The following NLGN1 variants were observed in gnomAD, a reference collection of about 807,000 sequenced individuals.
NLGN1 encodes the protein neuroligin 1, also known as neuroligin-1.
Under a neutral mutation model 65.5 loss-of-function variants are expected in NLGN1, and 12 were observed. That is an observed-to-expected ratio of 0.18 (90% CI 0.12 to 0.30). The LOEUF is 0.30. Ranked by LOEUF, NLGN1 falls within the 10% of genes least tolerant of loss-of-function variation. The pLI is 1.00. For missense variants in NLGN1, 750 were observed against 1,007.1 expected (o/e 0.74, Z 3.46); for synonymous variants, 350 against 359.5 (o/e 0.97, Z 0.30).
chr3:174,173,867 T>A (rs951863027), intron 4 of NLGN1, among the ~76,000 whole-genome samples: 1 of 152,084 alleles, frequency 6.6e-6, no homozygotes, highest in African/African-American at 2.4e-5. Flanking sequence ...ACAGGTGGTG[T>A]TTGGTTACAT....
intron 4 of NLGN1, among the ~76,000 whole-genome samples, chr3:173,858,071 A>T (rs1156803795): frequency 1.3e-5 from 2 of 151,672 alleles, no homozygotes; most frequent in East Asian, 3.9e-4. Context: ...GTATTGTCCT[A>T]TACAAAACCA....
intron 4 of NLGN1, among the ~76,000 whole-genome samples, chr3:174,226,304 AC>A (rs1368177581): frequency 6.6e-6 from 1 of 151,920 alleles, no homozygotes; most frequent in African/African-American, 2.4e-5. Context: ...CCCCTTACCC[AC>A]CACCCCTGGT....
intron 4 of NLGN1, among the ~76,000 whole-genome samples, chr3:173,999,295 G>C (rs955805659): frequency 9.2e-5 from 14 of 151,954 alleles, no homozygotes; most frequent in African/African-American, 3.4e-4. Flanking sequence ...GCCCCAAAAT[G>C]ATTTCAAGGA....
intron 4 of NLGN1, among the ~76,000 whole-genome samples, chr3:173,905,296 A>G (rs953354766): frequency 2.0e-5 from 3 of 152,188 alleles, no homozygotes; most frequent in Non-Finnish European, 2.9e-5. Context: ...TAAATTTGCA[A>G]CTTCAGCTGA....
intron 4 of NLGN1, among the ~76,000 whole-genome samples, chr3:174,079,199 A>C (rs562667269): frequency 4.0e-4 from 61 of 152,278 alleles, no homozygotes; most frequent in African/African-American, 1.5e-3. Context: ...CAAGAAAAAA[A>C]AAACTTTCCC....
At chr3:173,399,761 T>C (rs1717306189) in intron 1 of NLGN1, 1 of 152,192 alleles carries the variant, frequency 6.6e-6, no homozygotes, top group Non-Finnish European at 1.5e-5. Context: ...CTGTTTCTGG[T>C]TTTCTTTATA....
intron 4 of NLGN1, among the ~76,000 whole-genome samples, chr3:174,018,075 C>G (rs1196299257): frequency 6.6e-6 from 1 of 152,102 alleles, no homozygotes; most frequent in Non-Finnish European, 1.5e-5. Context: ...GGAACGCATT[C>G]TCTTTCTCAG....
At chr3:173,661,656 G>T (rs1760945900) in intron 3 of NLGN1, among the ~76,000 whole-genome samples, 1 of 151,962 alleles carries the variant, frequency 6.6e-6, no homozygotes, top group South Asian at 2.1e-4. Flanking sequence ...TTTATGTTGT[G>T]ATTAGAGAAA....
chr3:174,145,669 A>G (rs936533559), intron 4 of NLGN1, among the ~76,000 whole-genome samples: 4 of 152,222 alleles, frequency 2.6e-5, no homozygotes, highest in African/African-American at 9.6e-5. Context: ...TTGTATTCCA[A>G]TAGAATTCTC....
rs530924663 is a variant in NLGN1 at position 173,823,111 on chromosome 3, A to G, written c.646+15279A>G. On this transcript the variant is annotated intron_variant, in intron 4 of 6. Coordinates refer to ENST00000457714, the Ensembl canonical transcript of NLGN1. ...TCCCAATTAAAGATATTCGCATATA[A>G]TTTTTAAGTGTACCTATATATACAA... Among the ~76,000 whole-genome samples the G allele has an allele frequency of 2.0e-5, 3 of 152,116 alleles. No individual in the cohort carries two copies. The East Asian group carries it at 5.8e-4, about 29-fold the overall frequency.
chr3:173,781,244 G>T (rs917503470), intron 3 of NLGN1, among the ~76,000 whole-genome samples: 2 of 150,804 alleles, frequency 1.3e-5, no homozygotes, highest in African/African-American at 4.9e-5. Flanking sequence ...TAGAGAAAAA[G>T]CATTTAAAAT....
intron 2 of NLGN1, among the ~76,000 whole-genome samples, chr3:173,445,651 A>G (rs1165506918): frequency 1.3e-5 from 2 of 152,238 alleles, no homozygotes; most frequent in South Asian, 2.1e-4. Flanking sequence ...TTTCTTCCAC[A>G]TTAAATGGCT....
At chr3:174,037,324 CTT>C (rs1731353261) in intron 4 of NLGN1, among the ~76,000 whole-genome samples, 1 of 152,140 alleles carries the variant, frequency 6.6e-6, no homozygotes, top group Non-Finnish European at 1.5e-5. Context: ...TATAGACATA[CTT>C]TCATTTGCCT....
chr3:174,005,922 A>G lies in NLGN1; in HGVS notation c.646+198090A>G, dbSNP rs1211999222. On this transcript the variant is annotated intron_variant, in intron 4 of 6. Coordinates refer to ENST00000457714, the Ensembl canonical transcript of NLGN1. ...AATTAAATGATCAAATAGTTAACAA[A>G]GTTATCTTTATTCTTACATTTTCTA... Among the ~76,000 whole-genome samples the G allele has an allele frequency of 2.0e-5, 3 of 152,062 alleles. No homozygotes were observed. In the East Asian group the frequency reaches 5.8e-4, roughly 29 times the overall value.
chr3:173,494,734 A>G (rs1352660715), intron 2 of NLGN1, among the ~76,000 whole-genome samples: 1 of 151,828 alleles, frequency 6.6e-6, no homozygotes, highest in Non-Finnish European at 1.5e-5. Flanking sequence ...AGAGTTCACT[A>G]ATTTCCATAC....
intron 4 of NLGN1, among the ~76,000 whole-genome samples, chr3:173,972,700 A>G (rs1237709383): frequency 6.6e-6 from 1 of 152,102 alleles, no homozygotes; most frequent in East Asian, 1.9e-4. Flanking sequence ...CCATTCTGTG[A>G]GTTAAGAGTC....
chr3:173,812,743 A>G (rs1718216343), intron 4 of NLGN1, among the ~76,000 whole-genome samples: 1 of 142,256 alleles, frequency 7.0e-6, no homozygotes, highest in Non-Finnish European at 1.5e-5. Context: ...CACACATACT[A>G]TATATGTGTG....
intron 4 of NLGN1, among the ~76,000 whole-genome samples, chr3:173,897,111 CT>C (rs1464325977): frequency 6.6e-6 from 1 of 152,170 alleles, no homozygotes; most frequent in East Asian, 1.9e-4. Context: ...TAGCTACTTT[CT>C]TCTTCAAACT....
intron 4 of NLGN1, among the ~76,000 whole-genome samples, chr3:174,129,354 A>AACACACACACACAC (rs61122760): frequency 4.2e-4 from 49 of 116,838 alleles, no homozygotes; most frequent in Admixed American, 1.9e-3. Context: ...CCCGGTTTAC[A>AACACACACACACAC]ACACACACAC....
Sources: allele counts gnomAD v4.1 joint callset (sites outside exome capture counted in the v4.1 genomes callset), GRCh38; gene constraint gnomAD v4.1.1; transcripts MANE v1.5; gene names NCBI Gene and HGNC (gene_info 2026-07-23, HGNC 2026-07-21).